GABRB1: variants seen among roughly 807,000 people sequenced by gnomAD.
GABRB1 encodes gamma-aminobutyric acid receptor subunit beta-1.
A neutral mutation model predicts 51.6 loss-of-function variants in GABRB1; 17 were observed. The ratio of observed to expected loss-of-function variants is 0.33; its 90% CI spans 0.23 to 0.49. The LOEUF (loss-of-function observed/expected upper bound fraction) is 0.49, where lower values mean the gene tolerates loss of function less well. Among genes scored for constraint, GABRB1 ranks in the 20% least tolerant of loss-of-function variants. GABRB1 has a pLI of 0.99. For synonymous variants in GABRB1, 247 were observed against 218.9 expected, an observed-to-expected ratio of 1.13 and a Z score of -1.14; for missense variants, 410 against 600.6, an observed-to-expected ratio of 0.68 and a Z score of 3.32.
chr4:47,275,261 G>A (rs573300335), intron 4 of GABRB1, among the ~76,000 whole-genome samples: 3 of 152,216 alleles, frequency 2.0e-5, no homozygotes, highest in Non-Finnish European at 4.4e-5. Flanking sequence ...TCATCCTACC[G>A]CTAGGGCAAA....
intron 5 of GABRB1, among the ~76,000 whole-genome samples, chr4:47,387,350 T>C (rs1243155205): frequency 6.6e-6 from 1 of 152,134 alleles, no homozygotes; most frequent in Non-Finnish European, 1.5e-5. Context: ...TATGCACTTG[T>C]AATCCCAGCT....
At chr4:47,350,216 TATAGAGAGAGAG>T (rs1452329692) in intron 5 of GABRB1, among the ~76,000 whole-genome samples, 11 of 73,792 alleles carry the variant, frequency 1.5e-4, no homozygotes, top group Admixed American at 1.1e-3. Context: ...TATATATATA[TATAGAGAGAGAG>T]AGAGAGAGAG....
chr4:47,124,058 T>C (rs1029673915), intron 3 of GABRB1, among the ~76,000 whole-genome samples: 3 of 145,956 alleles, frequency 2.1e-5, no homozygotes, highest in African/African-American at 5.1e-5. Context: ...TATATACACA[T>C]CTAACTATAC....
At chr4:47,056,661 A>T (rs908257913) in intron 3 of GABRB1, among the ~76,000 whole-genome samples, 1 of 152,166 alleles carries the variant, frequency 6.6e-6, no homozygotes, top group African/African-American at 2.4e-5. Flanking sequence ...GCTGGTCAAA[A>T]ATTAACTCAC....
At chr4:47,202,294 A>T (rs1347922973) in intron 4 of GABRB1, among the ~76,000 whole-genome samples, 1 of 152,024 alleles carries the variant, frequency 6.6e-6, no homozygotes, top group Admixed American at 6.6e-5. Context: ...CTTCCCCTTC[A>T]CCTTCTGCCA....
At chr4:47,026,558 A>T (rs1725102500) in intron 1 of GABRB1, among the ~76,000 whole-genome samples, 1 of 152,052 alleles carries the variant, frequency 6.6e-6, no homozygotes, top group Admixed American at 6.6e-5. Context: ...TACCGGTAAC[A>T]GGCTTAATAG....
At chr4:47,196,354 ACAGGGTT>A (rs932849964) in intron 4 of GABRB1, among the ~76,000 whole-genome samples, 2 of 152,186 alleles carry the variant, frequency 1.3e-5, no homozygotes, top group African/African-American at 4.8e-5. Context: ...ATAGGTCTTC[ACAGGGTT>A]CAGACTCTAG....
chr4:47,411,828 G>T (rs1010849476), intron 8 of GABRB1, among the ~76,000 whole-genome samples: 3 of 152,116 alleles, frequency 2.0e-5, no homozygotes, highest in African/African-American at 7.2e-5. Flanking sequence ...AATTGATATA[G>T]TGTATAAAGA....
chr4:47,175,044 C>T (rs111204061), intron 4 of GABRB1, among the ~76,000 whole-genome samples: 21 of 147,496 alleles, frequency 1.4e-4, no homozygotes, highest in African/African-American at 5.0e-4. Context: ...TCCCTCCCTC[C>T]TTCCCTCCCT....
At chr4:47,104,568 G>A (rs13103276) in intron 3 of GABRB1, among the ~76,000 whole-genome samples, 1 of 149,582 alleles carries the variant, frequency 6.7e-6, no homozygotes, top group South Asian at 2.1e-4. Flanking sequence ...ACATACATTA[G>A]ATCATTTTAT....
At chr4:47,211,044 G>A (rs1277865369) in intron 4 of GABRB1, among the ~76,000 whole-genome samples, 5 of 152,182 alleles carry the variant, frequency 3.3e-5, no homozygotes, top group African/African-American at 1.2e-4. Context: ...TGACACATAA[G>A]AGGCCCTTAT....
At chr4:47,097,574 T>G (rs1242138124) in intron 3 of GABRB1, among the ~76,000 whole-genome samples, 1 of 152,204 alleles carries the variant, frequency 6.6e-6, no homozygotes. Flanking sequence ...TATCTTTCTC[T>G]CTCCATGAGA....
intron 3 of GABRB1, among the ~76,000 whole-genome samples, chr4:47,124,350 C>T (rs1043519698): frequency 3.3e-5 from 5 of 151,996 alleles, no homozygotes; most frequent in African/African-American, 1.2e-4. Flanking sequence ...GTACCATTAG[C>T]CCCAGCATGA....
intron 3 of GABRB1, among the ~76,000 whole-genome samples, chr4:47,063,674 T>G (rs1483757595): frequency 6.6e-6 from 1 of 152,074 alleles, no homozygotes; most frequent in Non-Finnish European, 1.5e-5. Context: ...TTTGCAAATT[T>G]TACAAGAAAT....
In GABRB1 at chr4:47,358,668, A is replaced by G. The variant is rs541970059; in HGVS notation, c.544+38459A>G. Among the ~76,000 whole-genome samples, 13 of 152,220 alleles carry G rather than the reference A, an allele frequency of 8.5e-5. No individual in the cohort carries two copies. The South Asian group carries it at 2.7e-3, about 32-fold the overall frequency. Reference sequence around the variant, plus strand: ...CACTAAGTGACCTCATTTTAACTTAATTACCTCTGCAAAGACCCTATCTCC... The same window carrying G: ...CACTAAGTGACCTCATTTTAACTTAGTTACCTCTGCAAAGACCCTATCTCC... On this transcript the variant is annotated intron_variant, in intron 5 of 8. Coordinates refer to ENST00000295454, the MANE Select transcript of GABRB1 (RefSeq NM_000812.4).
chr4:47,416,700 C>T lies in GABRB1; in HGVS notation c.1081-8974C>T, dbSNP rs564406349. ...CTCCTGACCACAGGTGATCAGGCCA[C>T]CTCAGCCTCCCAAATTGCTGGGATT... On this transcript the variant is annotated intron_variant, in intron 8 of 8. Coordinates refer to ENST00000295454, the MANE Select transcript of GABRB1 (RefSeq NM_000812.4). Among the ~76,000 whole-genome samples, 3 of 152,232 alleles carry T rather than the reference C, an allele frequency of 2.0e-5. No individual in the cohort carries two copies. The South Asian group carries it at 6.2e-4, about 32-fold the overall frequency.
intron 4 of GABRB1, among the ~76,000 whole-genome samples, chr4:47,174,906 TTC>T (rs1373203417): frequency 7.1e-6 from 1 of 139,996 alleles, no homozygotes; most frequent in Non-Finnish European, 1.6e-5. Context: ...CCTTCCTTCC[TTC>T]TTTCCTTCCT....
At chr4:47,158,650 G>A (rs1466346132) in intron 3 of GABRB1, among the ~76,000 whole-genome samples, 1 of 152,044 alleles carries the variant, frequency 6.6e-6, no homozygotes, top group African/African-American at 2.4e-5. Flanking sequence ...CACTATGACT[G>A]TGGTTGATAC....
chr4:47,147,096 G>T (rs1419768262), intron 3 of GABRB1, among the ~76,000 whole-genome samples: 3 of 151,922 alleles, frequency 2.0e-5, no homozygotes, highest in African/African-American at 7.2e-5. Context: ...AAATACATAA[G>T]ATAATATAGT....
Sources: gnomAD v4.1 joint callset for allele counts (sites outside exome capture counted in the v4.1 genomes callset) on GRCh38, gnomAD v4.1.1 for gene constraint, MANE v1.5 for transcripts, NCBI Gene and HGNC (gene_info 2026-07-23, HGNC 2026-07-21) for gene names.